Variants in TMPRSS7 observed in about 807,000 individuals in gnomAD.
TMPRSS7 encodes the protein transmembrane protease serine 7.
A neutral mutation model predicts 95.6 loss-of-function variants in TMPRSS7; 81 were observed. The ratio of observed to expected loss-of-function variants is 0.85; its 90% CI spans 0.71 to 1.02. The LOEUF (loss-of-function observed/expected upper bound fraction) is 1.02. Among genes scored for constraint, TMPRSS7 ranks in the 50% least tolerant of loss-of-function variants. TMPRSS7 has a pLI of 0.00. For synonymous variants in TMPRSS7, 364 were observed against 337.8 expected (o/e 1.08, Z -0.85); for missense variants, 945 against 955.2 (o/e 0.99, Z 0.14).
intron 13 of TMPRSS7, among the ~76,000 whole-genome samples, chr3:112,068,678 T>A (rs1305014086): frequency 6.6e-6 from 1 of 152,218 alleles, no homozygotes; most frequent in Non-Finnish European, 1.5e-5. Flanking sequence ...TGATTTTATA[T>A]CCTGAGACTG....
At chr3:112,034,776 A>G, upstream of TMPRSS7, 2 of 698,910 alleles carry the variant, frequency 2.9e-6, no homozygotes, top group South Asian at 1.5e-5. Flanking sequence ...AATTCTTCTC[A>G]AGAGAGCATA....
At chr3:112,041,243 C>A (rs1384208143) in intron 2 of TMPRSS7, among the ~76,000 whole-genome samples, 1 of 151,932 alleles carries the variant, frequency 6.6e-6, no homozygotes, top group East Asian at 1.9e-4. Flanking sequence ...TCCTTCTGCC[C>A]CTTACCCCGT....
chr3:112,056,735 T>G (rs933080487), intron 9 of TMPRSS7, among the ~76,000 whole-genome samples: 3 of 152,234 alleles, frequency 2.0e-5, no homozygotes, highest in Non-Finnish European at 2.9e-5. Context: ...GTGGGTGTTA[T>G]TAAAGTTAAG....
rs1454223996 is a variant in TMPRSS7, at chr3:112,057,845, C to A, written c.1310+714C>A. ...GGTTCAAGCAATTCTCCTGCCTCAG[C>A]CTCCCAAGTATCTGGGACTACAGGC... On this transcript the variant is annotated intron_variant, in intron 10 of 17. Transcript: ENST00000452346. 5.9e-5 allele frequency among the ~76,000 whole-genome samples: 9 copies of A among 152,248 alleles called. No homozygotes were observed. In the East Asian group the frequency reaches 1.7e-3, roughly 29 times the overall value.
At position 112,066,388 on chromosome 3, in the gene TMPRSS7, C is replaced by A. The variant is rs759323321; in HGVS notation, c.1556-4C>A. On this transcript the variant is annotated splice_polypyrimidine_tract_variant and splice_region_variant and intron_variant, in intron 12 of 17. Transcript: ENST00000452346. ...GAACTTTCTGTTTTTATTTTTTATTCTAGTGAGCCCTCAACCTGCCTGCAA... is the reference window on the plus strand; with the variant it reads ...GAACTTTCTGTTTTTATTTTTTATTATAGTGAGCCCTCAACCTGCCTGCAA... 1.2e-6 allele frequency: 2 copies of A among 1,613,176 alleles called. No homozygotes were observed. Among genetic ancestry groups the A allele is most frequent in the East Asian group, 4.5e-5 (2 of 44,882 alleles).
rs562886704 is a variant in TMPRSS7, at chr3:112,073,605, ATTTG to A, written c.1667-686_1667-683del. 5.3e-5 allele frequency among the ~76,000 whole-genome samples: 8 copies of A among 152,086 alleles called. No individual in the cohort carries two copies. The South Asian group carries it at 1.7e-3, about 32-fold the overall frequency. On this transcript the variant is annotated intron_variant, in intron 13 of 17. Coordinates refer to ENST00000452346, the Ensembl canonical transcript of TMPRSS7. ...GGGGTTGTCTGTTTTTTTCTTGTAA[ATTTG>A]TTTGAGTTCTTTGTAGATTCTGGAG... is the stretch of plus-strand genomic sequence containing the variant.
At chr3:112,041,853 C>T (rs966990371) in intron 2 of TMPRSS7, 67 bp from the exon 3 acceptor site, 9 of 1,064,602 alleles carry the variant, frequency 8.5e-6, no homozygotes, top group Non-Finnish European at 1.4e-6. Context: ...ACTGACATAG[C>T]TCAGACAATT....
chr3:112,047,890 C>T (rs749033644), exon 7 of TMPRSS7: 33 of 1,613,942 alleles, frequency 2.0e-5, no homozygotes, highest in African/African-American at 1.5e-4. Flanking sequence ...CCATCCAAAT[C>T]GAAGCCGACA....
chr3:112,069,272 T>C (rs900521032), intron 13 of TMPRSS7, among the ~76,000 whole-genome samples: 1 of 152,188 alleles, frequency 6.6e-6, no homozygotes, highest in African/African-American at 2.4e-5. Context: ...TCTGGGGTAT[T>C]GGTCTAAAAT....
intron 9 of TMPRSS7, among the ~76,000 whole-genome samples, chr3:112,053,228 G>A (rs565600192): frequency 2.7e-5 from 4 of 149,558 alleles, no homozygotes; most frequent in South Asian, 2.1e-4. Context: ...ATATTGACTC[G>A]TTATGACAAA....
chr3:112,076,457 A>G (rs1181076514), intron 15 of TMPRSS7, among the ~76,000 whole-genome samples: 1 of 152,238 alleles, frequency 6.6e-6, no homozygotes, highest in Non-Finnish European at 1.5e-5. Flanking sequence ...TTTCTAATCT[A>G]TCTTGGTATT....
intron 10 of TMPRSS7, 55 bp downstream of exon 10, chr3:112,057,186 C>A: frequency 1.6e-6 from 2 of 1,260,538 alleles, no homozygotes; most frequent in Non-Finnish European, 2.3e-6. Flanking sequence ...AAGTTCATAG[C>A]TGTGTGTTCC....
chr3:112,050,531 A>AAAAAAAAAC lies in TMPRSS7; in HGVS notation c.1091-133_1091-132insACAAAAAAA, dbSNP rs1378179423. 12 of 367,050 alleles carry AAAAAAAAAC rather than the reference A, an allele frequency of 3.3e-5. No homozygotes were observed. The South Asian group carries it at 3.6e-4, about 11-fold the overall frequency. 22.7% of individuals were successfully genotyped at this position (367,050 alleles called of 1,614,324 possible). A position where few individuals can be genotyped will look rare whatever the true frequency, so the allele number is the denominator to read the frequency against. ...GGCATTCCTTTCTTCTGAAAAAAAAAAAAAAAACCCAAAGTTTAAGAAATG... is the reference window on the plus strand; with the variant it reads ...GGCATTCCTTTCTTCTGAAAAAAAAAAAAAAAAACAAAAAAACCCAAAGTTTAAGAAATG... On this transcript the variant is annotated intron_variant, in intron 8 of 17. Transcript: ENST00000452346.
exon 1 of TMPRSS7, chr3:112,034,850 A>G: frequency 1.4e-6 from 1 of 702,938 alleles, no homozygotes; most frequent in Non-Finnish European, 2.6e-6. Flanking sequence ...CTAATAATGG[A>G]CAAAGAAAAC....
chr3:112,050,525 A>AAAAAAAAAC (rs2107743079), intron 8 of TMPRSS7, 146 bp from the exon 9 acceptor site: 3 of 341,550 alleles, frequency 8.8e-6, no homozygotes, highest in African/African-American at 4.2e-5. Context: ...TTCTTCTGAA[A>AAAAAAAAAC]AAAAAAAAAA....
At chr3:112,072,824 A>G (rs1404560510) in intron 13 of TMPRSS7, among the ~76,000 whole-genome samples, 1 of 152,256 alleles carries the variant, frequency 6.6e-6, no homozygotes, top group Non-Finnish European at 1.5e-5. Context: ...ATTTATGGAC[A>G]TTTGGGTTGG....
At chr3:112,036,385 A>G (rs1049104058) in intron 1 of TMPRSS7, among the ~76,000 whole-genome samples, 71 of 152,322 alleles carry the variant, frequency 4.7e-4, no homozygotes, top group African/African-American at 1.7e-3. Flanking sequence ...CCTGACCAAC[A>G]TGGTGAAACC....
At chr3:112,059,544 A>G (rs1417748587) in intron 10 of TMPRSS7, among the ~76,000 whole-genome samples, 2 of 152,224 alleles carry the variant, frequency 1.3e-5, no homozygotes, top group Non-Finnish European at 2.9e-5. Context: ...GGAAATCACT[A>G]TGAGATTCAG....
exon 5 of TMPRSS7, chr3:112,045,752 G>A: frequency 6.5e-7 from 1 of 1,546,134 alleles, no homozygotes; most frequent in Non-Finnish European, 8.7e-7. Context: ...CGTTATAGCA[G>A]CAACAACAAA....
Sources: allele counts gnomAD v4.1 joint callset (sites outside exome capture counted in the v4.1 genomes callset), GRCh38; gene constraint gnomAD v4.1.1; transcripts MANE v1.5; gene names NCBI Gene and HGNC (gene_info 2026-07-23, HGNC 2026-07-21).